The following ZNF131 variants were observed in gnomAD, a reference collection of about 807,000 sequenced individuals.
The protein encoded by ZNF131 is zinc finger and BTB domain containing 35.
In ZNF131, 7 loss-of-function variants were observed where a neutral mutation model predicts 60.0. That is an observed-to-expected ratio of 0.12 (90% CI 0.07 to 0.22). The LOEUF (loss-of-function observed/expected upper bound fraction) is 0.22. Ranked by LOEUF, ZNF131 falls within the 10% of genes least tolerant of loss-of-function variation. The probability of loss-of-function intolerance (pLI) is 1.00; values close to 1 mark genes in which losing one functional copy is unlikely to be tolerated. For synonymous variants in ZNF131, 257 were observed against 253.2 expected (o/e 1.01, Z -0.14); for missense variants, 493 against 740.9 (o/e 0.67, Z 3.88).
At chr5:43,137,595 A>G (rs1746287350) in intron 3 of ZNF131, among the ~76,000 whole-genome samples, 1 of 152,058 alleles carries the variant, frequency 6.6e-6, no homozygotes, top group Non-Finnish European at 1.5e-5. Flanking sequence ...AAAGACAACT[A>G]GTATTGGTGA....
chr5:43,138,130 C>G (rs752159308), intron 3 of ZNF131, among the ~76,000 whole-genome samples: 1 of 152,112 alleles, frequency 6.6e-6, no homozygotes, highest in South Asian at 2.1e-4. Context: ...CATAAAGTTT[C>G]AATTGCGCAA....
intron 4 of ZNF131, among the ~76,000 whole-genome samples, chr5:43,153,259 G>A (rs76764125): frequency 0.097 from 14,754 of 152,066 alleles, 847 homozygotes; most frequent in East Asian, 0.19. Flanking sequence ...CCTGGCTTTG[G>A]CCAGGCTGTC....
At chr5:43,136,384 A>G (rs1396676527) in intron 3 of ZNF131, among the ~76,000 whole-genome samples, 4 of 152,028 alleles carry the variant, frequency 2.6e-5, no homozygotes, top group South Asian at 2.1e-4. Context: ...TTATGGAAAC[A>G]GGAAAAGCAG....
At position 43,134,355 on chromosome 5, in the gene ZNF131, G is replaced by A. The variant is rs141465915; in HGVS notation, c.227-4810G>A. Among the ~76,000 whole-genome samples, 1,298 of 152,088 alleles carry A rather than the reference G, an allele frequency of 8.5e-3. 14 individuals carry two copies. The highest frequency in any genetic ancestry group is 0.027 in the African/African-American group (1,100 of 41,470). ...TCAGTAAAAACTCTTAAACAAACGA[G>A]GAATAGAAGGAAATTATCTCAACAT... On this transcript the variant is annotated intron_variant, in intron 3 of 6. Transcript: ENST00000682664.
At chr5:43,129,962 T>A (rs1745085574) in intron 3 of ZNF131, among the ~76,000 whole-genome samples, 1 of 150,024 alleles carries the variant, frequency 6.7e-6, no homozygotes, top group Admixed American at 6.6e-5. Context: ...AGCCGAAACT[T>A]CTGGTTTTAA....
intron 4 of ZNF131, among the ~76,000 whole-genome samples, chr5:43,145,946 T>C (rs937388563): frequency 1.3e-5 from 2 of 152,184 alleles, no homozygotes; most frequent in African/African-American, 4.8e-5. Flanking sequence ...CGGAAAGTTA[T>C]GGTAGAATTG....
Position 43,174,642 on chromosome 5 carries a change from G to C in ZNF131, c.1381G>C (p.Val461Leu), listed in dbSNP as rs749611930. ...AGAAGTTCTTTCAGTAGAAACACGT[G>C]TGCAAACTGAACCTGTAACATCAAT... is the stretch of plus-strand genomic sequence containing the variant. Reference protein sequence around the residue: ...TEEVLSVETRVQTEPVTSMTI... With the variant: ...TEEVLSVETRLQTEPVTSMTI... Residue 461 changes from valine (V) to leucine (L), a missense_variant, in exon 7 of 7, where the codon GTG (valine) becomes CTG (leucine). Coordinates refer to ENST00000682664, the MANE Select transcript of ZNF131 (RefSeq NM_001330707.2). 1.2e-5 allele frequency: 20 copies of C among 1,614,084 alleles called. No homozygotes were observed. The highest frequency in any genetic ancestry group is 1.6e-5 in the Non-Finnish European group (19 of 1,180,042).
chr5:43,169,508 ACAAG>A (rs982733128), intron 5 of ZNF131, among the ~76,000 whole-genome samples: 8 of 152,340 alleles, frequency 5.3e-5, no homozygotes, highest in African/African-American at 1.2e-4. Context: ...TTTTGGGAAA[ACAAG>A]CGAGCATGCG....
At chr5:43,125,109 G>A (rs1362200556) in intron 3 of ZNF131, 3 of 151,274 alleles carry the variant, frequency 2.0e-5, no homozygotes, top group Non-Finnish European at 4.4e-5. Context: ...AGGAGATGAA[G>A]AATTAATGAA....
intron 6 of ZNF131, 52 bp downstream of exon 6, chr5:43,173,500 A>T (rs1751240762): frequency 1.9e-6 from 3 of 1,569,992 alleles, no homozygotes; most frequent in Non-Finnish European, 2.6e-6. Context: ...TTGTGTTTGC[A>T]GTCATCAAAA....
intron 3 of ZNF131, among the ~76,000 whole-genome samples, chr5:43,133,572 A>C (rs769289305): frequency 1.3e-5 from 2 of 152,208 alleles, no homozygotes; most frequent in Non-Finnish European, 2.9e-5. Context: ...GAGTGTACAG[A>C]TCAAAAATCA....
rs115967667 is a variant in ZNF131, at chr5:43,167,946, G to A, written c.1055-5372G>A. 2.2e-3 allele frequency: 992 copies of A among 453,042 alleles called. 5 individuals are homozygous for A. Among genetic ancestry groups the A allele is most frequent in the African/African-American group, 0.019 (936 of 50,194 alleles). 28.1% of individuals were successfully genotyped at this position (453,042 alleles called of 1,614,324 possible). On this transcript the variant is annotated intron_variant, in intron 5 of 6. Coordinates refer to ENST00000682664, the MANE Select transcript of ZNF131 (RefSeq NM_001330707.2). ...TTCTTACAGTTCTGGATGCTAAGAA[G>A]TTCACTGTTATGAGGCCACATCTGG...
At chr5:43,129,801 C>T (rs1745062919) in intron 3 of ZNF131, among the ~76,000 whole-genome samples, 1 of 152,072 alleles carries the variant, frequency 6.6e-6, no homozygotes, top group Non-Finnish European at 1.5e-5. Flanking sequence ...ATTACAGGTG[C>T]GTGCCACCAC....
intron 4 of ZNF131, among the ~76,000 whole-genome samples, chr5:43,151,014 A>C (rs913951530): frequency 4.6e-5 from 7 of 152,110 alleles, no homozygotes; most frequent in African/African-American, 1.4e-4. Context: ...TGACTTTTCC[A>C]CTTAGCCCTG....
intron 3 of ZNF131, among the ~76,000 whole-genome samples, chr5:43,137,159 C>T (rs764344971): frequency 2.6e-5 from 4 of 152,070 alleles, no homozygotes; most frequent in Non-Finnish European, 5.9e-5. Context: ...TTAGTAATTT[C>T]GTGGATGTGA....
chr5:43,147,734 A>T lies in ZNF131; in HGVS notation c.371+8425A>T, dbSNP rs543795431. Among the ~76,000 whole-genome samples the T allele has an allele frequency of 2.6e-3, 351 of 135,930 alleles. 3 individuals are homozygous for T. The highest frequency in any genetic ancestry group is 9.0e-3 in the African/African-American group (329 of 36,430). The allele number at this position is 135,930 out of a possible 152,430, so 89.2% of individuals were successfully genotyped here. A position where few individuals can be genotyped will look rare whatever the true frequency, so the allele number is the denominator to read the frequency against. ...CCGCGCCCGGCCAGTTTGGAAGTTTAAAAAAAAAAAAAACAGTTTGGAAGT... is the reference window on the plus strand; with the variant it reads ...CCGCGCCCGGCCAGTTTGGAAGTTTTAAAAAAAAAAAAACAGTTTGGAAGT... On this transcript the variant is annotated intron_variant, in intron 4 of 6. Transcript: ENST00000682664.
At position 43,143,959 on chromosome 5, in the gene ZNF131, G is replaced by C. The variant is rs1747220525; in HGVS notation, c.371+4650G>C. Among the ~76,000 whole-genome samples, 8 of 111,766 alleles carry C rather than the reference G, an allele frequency of 7.2e-5. No individual in the cohort carries two copies. In the South Asian group the frequency reaches 2.5e-3, roughly 34 times the overall value. 73.3% of individuals were successfully genotyped at this position (111,766 alleles called of 152,430 possible). On this transcript the variant is annotated intron_variant, in intron 4 of 6. Transcript: ENST00000682664. ...TTTCCTTGAGACGGAGTCTCGCTCT[G>C]TCCCCAAGACTGGAATGCAGTGGTG...
In ZNF131 at chr5:43,174,693, G is replaced by A; in HGVS notation, c.1432G>A (p.Val478Met). Reference protein sequence around the residue: ...SMTIIEQVGKVHVLPLLQVQV... With the variant: ...SMTIIEQVGKMHVLPLLQVQV... ...GACTATTATAGAACAAGTTGGGAAG[G>A]TGCATGTGCTACCATTGCTTCAGGT... Residue 478 changes from valine (V) to methionine (M), a missense_variant, in exon 7 of 7, where the codon GTG becomes ATG. Physicochemically the swap from Val to Met is conservative, Grantham distance 21. Transcript: ENST00000682664. 6.2e-7 allele frequency: 1 copy of A among 1,614,154 alleles called. No individual in the cohort carries two copies. Among genetic ancestry groups the A allele is most frequent in the Non-Finnish European group, 8.5e-7 (1 of 1,180,020 alleles).
chr5:43,128,763 C>G (rs1349996721), intron 3 of ZNF131, among the ~76,000 whole-genome samples: 1 of 150,502 alleles, frequency 6.6e-6, no homozygotes, highest in Non-Finnish European at 1.5e-5. Context: ...CCAGTACTTT[C>G]TTTTTGGAGA....
Sources: gnomAD v4.1 joint callset for allele counts (sites outside exome capture counted in the v4.1 genomes callset) on GRCh38, gnomAD v4.1.1 for gene constraint, MANE v1.5 for transcripts, NCBI Gene and HGNC (gene_info 2026-07-23, HGNC 2026-07-21) for gene names.